ARL15: variants seen among roughly 807,000 people sequenced by gnomAD.
ARL15 encodes the protein ADP-ribosylation factor-like protein 15.
In ARL15, 19 loss-of-function variants were observed where a neutral mutation model predicts 25.2. The ratio of observed to expected loss-of-function variants is 0.75; its 90% confidence interval spans 0.53 to 1.10. ARL15 has a LOEUF of 1.10. Ranked by LOEUF, ARL15 falls within the 50% of genes least tolerant of loss-of-function variation. ARL15 has a pLI of 0.00. For synonymous variants in ARL15, 94 were observed against 86.8 expected (o/e 1.08, Z -0.46); for missense variants, 220 against 246.0 (o/e 0.89, Z 0.71).
chr5:54,014,840 AG>A (rs1749362770), intron 4 of ARL15, among the ~76,000 whole-genome samples: 1 of 151,874 alleles, frequency 6.6e-6, no homozygotes, highest in Non-Finnish European at 1.5e-5. Context: ...GAACCCCTTT[AG>A]GGTGTATGTA....
chr5:54,307,888 T>C (rs1758799103), intron 1 of ARL15: 1 of 152,192 alleles, frequency 6.6e-6, no homozygotes, highest in Admixed American at 6.5e-5. Context: ...GGGAACTTAC[T>C]CTAATCCATT....
chr5:54,219,038 T>C (rs530450641), intron 1 of ARL15, among the ~76,000 whole-genome samples: 12 of 151,658 alleles, frequency 7.9e-5, no homozygotes, highest in Admixed American at 2.6e-4. Flanking sequence ...ACAGAAAACA[T>C]GTAAATGACA....
rs1753964018 is a variant in ARL15 at position 54,148,152 on chromosome 5, TAAAAG to T, written c.253+6423_253+6427del. On this transcript the variant is annotated intron_variant, in intron 3 of 4. Transcript: ENST00000504924. ...TGGCATGTGTACAAAAGACAGAAAC[TAAAAG>T]AAATAGGCAGCAGTGCCCCCTGGGT... Among the ~76,000 whole-genome samples the T allele has an allele frequency of 2.0e-5, 3 of 152,206 alleles. No individual in the cohort carries two copies. The South Asian group carries it at 6.2e-4, about 32-fold the overall frequency.
intron 3 of ARL15, among the ~76,000 whole-genome samples, chr5:54,136,782 A>G (rs1753617541): frequency 2.0e-5 from 3 of 152,208 alleles, no homozygotes; most frequent in African/African-American, 2.4e-5. Context: ...TTTGCTGTTT[A>G]TATCTATCCC....
intron 4 of ARL15, among the ~76,000 whole-genome samples, chr5:54,087,087 AG>A (rs1301009501): frequency 1.4e-4 from 22 of 152,310 alleles, no homozygotes; most frequent in African/African-American, 5.3e-4. Flanking sequence ...CTGTAATCGC[AG>A]CACTTTGAGA....
chr5:54,199,117 C>T (rs1755640334), intron 1 of ARL15, among the ~76,000 whole-genome samples: 1 of 152,104 alleles, frequency 6.6e-6, no homozygotes, highest in Non-Finnish European at 1.5e-5. Context: ...AAACTGGATC[C>T]CTTCCTTACA....
intron 4 of ARL15, among the ~76,000 whole-genome samples, chr5:53,896,136 T>C (rs1308035179): frequency 6.6e-6 from 1 of 151,728 alleles, no homozygotes; most frequent in Non-Finnish European, 1.5e-5. Context: ...CAGGTTCAAG[T>C]GATTCTTGTG....
chr5:53,909,536 G>A (rs1227829883), intron 4 of ARL15, among the ~76,000 whole-genome samples: 3 of 152,046 alleles, frequency 2.0e-5, no homozygotes, highest in Non-Finnish European at 4.4e-5. Flanking sequence ...GAGAAACCCT[G>A]TCTCTACTAA....
At chr5:54,020,890 G>C (rs1389190116) in intron 4 of ARL15, among the ~76,000 whole-genome samples, 2 of 152,080 alleles carry the variant, frequency 1.3e-5, no homozygotes, top group Non-Finnish European at 2.9e-5. Context: ...AGGAGGCAGA[G>C]GTTGCAGTGA....
At chr5:54,222,826 ATTTTTTATTT>A (rs1296023939) in intron 1 of ARL15, among the ~76,000 whole-genome samples, 1 of 151,798 alleles carries the variant, frequency 6.6e-6, no homozygotes, top group African/African-American at 2.4e-5. Flanking sequence ...AATACTTTTT[ATTTTTTATTT>A]TTTTTGAGAC....
chr5:54,219,936 T>G (rs773573223), intron 1 of ARL15, among the ~76,000 whole-genome samples: 38 of 152,166 alleles, frequency 2.5e-4, no homozygotes, highest in Non-Finnish European at 7.4e-5. Flanking sequence ...GATAATCTAG[T>G]GGTATCTTGA....
At chr5:54,301,835 G>C (rs1273454342) in intron 1 of ARL15, among the ~76,000 whole-genome samples, 1 of 152,196 alleles carries the variant, frequency 6.6e-6, no homozygotes, top group African/African-American at 2.4e-5. Flanking sequence ...TAATTAGTGG[G>C]ATAAGTCCTC....
intron 2 of ARL15, among the ~76,000 whole-genome samples, chr5:54,171,129 A>T (rs1044173985): frequency 2.0e-5 from 3 of 152,188 alleles, no homozygotes; most frequent in African/African-American, 7.2e-5. Flanking sequence ...TTTGGGCCTG[A>T]TAACTCTTTG....
intron 4 of ARL15, among the ~76,000 whole-genome samples, chr5:54,099,415 C>T (rs1490569577): frequency 2.6e-5 from 4 of 152,006 alleles, no homozygotes; most frequent in Non-Finnish European, 5.9e-5. Context: ...GCCCGCAATA[C>T]CACATATATG....
intron 4 of ARL15, among the ~76,000 whole-genome samples, chr5:53,988,593 A>G (rs1748378228): frequency 6.6e-6 from 1 of 152,212 alleles, no homozygotes; most frequent in Non-Finnish European, 1.5e-5. Context: ...CAAGATCTTT[A>G]ATTTATTACT....
At chr5:54,206,542 T>C (rs1755874001) in intron 1 of ARL15, among the ~76,000 whole-genome samples, 1 of 152,206 alleles carries the variant, frequency 6.6e-6, no homozygotes, top group Admixed American at 6.5e-5. Flanking sequence ...AAGAGGTAAG[T>C]GATCTTATTT....
intron 3 of ARL15, among the ~76,000 whole-genome samples, chr5:54,124,730 C>T (rs891054492): frequency 2.0e-5 from 3 of 152,142 alleles, no homozygotes; most frequent in African/African-American, 4.8e-5. Context: ...TTTCTTTATA[C>T]TTGCCATAAT....
At chr5:54,173,697 C>T (rs1302804974) in intron 1 of ARL15, among the ~76,000 whole-genome samples, 1 of 152,132 alleles carries the variant, frequency 6.6e-6, no homozygotes, top group Non-Finnish European at 1.5e-5. Flanking sequence ...CTATTCTCCA[C>T]ATTGCAGTGA....
intron 1 of ARL15, chr5:54,282,629 T>C (rs1437898573): frequency 2.2e-6 from 2 of 913,742 alleles, no homozygotes; most frequent in Non-Finnish European, 2.6e-6. Flanking sequence ...CTTTCAAATC[T>C]TGCTCTAATA....
Sources: allele counts gnomAD v4.1 joint callset (sites outside exome capture counted in the v4.1 genomes callset), GRCh38; gene constraint gnomAD v4.1.1; transcripts MANE v1.5; gene names NCBI Gene and HGNC (gene_info 2026-07-23, HGNC 2026-07-21).